The following TNP2 variants were observed in gnomAD, a reference collection of about 807,000 sequenced individuals.
TNP2 encodes the protein nuclear transition protein 2.
In TNP2, 10 loss-of-function variants were observed where a neutral mutation model predicts 8.5. The observed-to-expected ratio is 1.17, with a 90% CI of 0.72 to 1.99. The LOEUF (loss-of-function observed/expected upper bound fraction) is 1.99, where lower values mean the gene tolerates loss of function less well. Ranked by LOEUF, TNP2 falls within the 30% of genes most tolerant of loss-of-function variation. The pLI is 0.00. For synonymous variants in TNP2, 80 were observed against 62.3 expected (o/e 1.28, Z -1.34); for missense variants, 222 against 181.2 (o/e 1.23, Z -1.29).
chr16:11,268,622 C>A, intron 1 of TNP2: 1 of 477,256 alleles, frequency 2.1e-6, no homozygotes, highest in Non-Finnish European at 3.6e-6. Context: ...ATGCTTTCAT[C>A]TAGCTTATCT....
Position 11,268,962 on chromosome 16 carries a change from GGCAGTGCAGGATGGTGGGCC to G in TNP2, c.281_300del (p.Arg94ProfsTer60). 6.2e-7 allele frequency: 1 copy of G among 1,613,756 alleles called. No homozygotes were observed. The highest frequency in any genetic ancestry group is 8.5e-7 in the Non-Finnish European group (1 of 1,179,846). ...AAGTTCTTTCTGTTCTTGGGGCAGC[GGCAGTGCAGGATGGTGGGCC>G]GCATGGGAGAGTGGTGGGAGTTCAT... On this transcript the variant is annotated frameshift_variant, in exon 1 of 2. Coordinates refer to ENST00000312693, the MANE Select transcript of TNP2 (RefSeq NM_005425.5). LOFTEE classifies it high-confidence loss of function.
In TNP2 at chr16:11,267,868, G is replaced by T; in HGVS notation, c.*128C>A. 2 of 1,043,318 alleles carry T rather than the reference G, an allele frequency of 1.9e-6. No homozygotes were observed. The highest frequency in any genetic ancestry group is 2.8e-6 in the Non-Finnish European group (2 of 708,348). 64.6% of individuals were successfully genotyped at this position (1,043,318 alleles called of 1,614,324 possible). A position where few individuals can be genotyped will look rare whatever the true frequency, so the allele number is the denominator to read the frequency against. On this transcript the variant is annotated 3_prime_UTR_variant, in exon 2 of 2. Coordinates refer to ENST00000312693, the MANE Select transcript of TNP2 (RefSeq NM_005425.5). The stretch of plus-strand genomic sequence containing the variant: ...TGACTACTCAGGGATAGTCTTCCAG[G>T]TACAAGCTTTAATTAGTGTTGCGTA...
chr16:11,267,942 G>A lies in TNP2; in HGVS notation c.*54C>T, dbSNP rs1597698974. 1.9e-6 allele frequency: 3 copies of A among 1,587,184 alleles called. No homozygotes were observed. Among genetic ancestry groups the A allele is most frequent in the Middle Eastern group, 1.7e-4 (1 of 5,928 alleles). ...CTGCAAGAAGATTGACTTCATCCTA[G>A]CATTTTCTCCTTTGGGTGAAACACG... On this transcript the variant is annotated 3_prime_UTR_variant, in exon 2 of 2. Coordinates refer to ENST00000312693, the MANE Select transcript of TNP2 (RefSeq NM_005425.5).
chr16:11,268,819 C>T (rs867109605), intron 1 of TNP2, 44 bp downstream of exon 1: 5 of 1,512,126 alleles, frequency 3.3e-6, no homozygotes, highest in Non-Finnish European at 4.4e-6. Context: ...TGCTCTCCAT[C>T]ATCTGTGGGC....
rs1161611686 is a variant in TNP2 at position 11,268,879 on chromosome 16, G to A, written c.384C>T (p.Thr128=). 2 of 1,589,090 alleles carry A rather than the reference G, an allele frequency of 1.3e-6. No individual in the cohort carries two copies. Among genetic ancestry groups the A allele is most frequent in the Non-Finnish European group, 1.7e-6 (2 of 1,168,970 alleles). The part of the protein sequence containing the change: ...MAKRIQQVYK[T]KTRSSGWKSN ...AAAGGGTACCTGAGCTCCGCGTCTT[G>A]GTTTTGTACACCTGCTGGATCCTCT... The change falls in exon 1 of 2, where the codon ACC becomes ACT. Residue 128 remains threonine, a synonymous_variant. Coordinates refer to ENST00000312693, the MANE Select transcript of TNP2 (RefSeq NM_005425.5).
intron 1 of TNP2, chr16:11,268,284 G>T (rs1597699225): frequency 2.4e-6 from 1 of 421,578 alleles, no homozygotes; most frequent in Non-Finnish European, 4.3e-6. Flanking sequence ...CATTAGTCTA[G>T]ATATCTATTC....
chr16:11,268,087 G>T, intron 1 of TNP2, 75 bp from the exon 2 acceptor site: 1 of 1,417,864 alleles, frequency 7.1e-7, no homozygotes, highest in Non-Finnish European at 9.9e-7. Flanking sequence ...TTGACCTCCT[G>T]TAAGGTCTTA....
chr16:11,267,989 G>A lies in TNP2; in HGVS notation c.*7C>T, dbSNP rs767530021. 1.4e-5 allele frequency: 23 copies of A among 1,611,772 alleles called. No individual in the cohort carries two copies. The highest frequency in any genetic ancestry group is 1.6e-4 in the Middle Eastern group (1 of 6,074). On this transcript the variant is annotated 3_prime_UTR_variant, in exon 2 of 2. Transcript: ENST00000312693. ...CACGCAGGAACAAGCCAAGGAGTGCGGTCTCATTAGTTGGATTTCCATCCT... is the reference window on the plus strand; with the variant it reads ...CACGCAGGAACAAGCCAAGGAGTGCAGTCTCATTAGTTGGATTTCCATCCT...
intron 1 of TNP2, chr16:11,268,623 T>C: frequency 4.2e-6 from 2 of 477,844 alleles, no homozygotes; most frequent in Non-Finnish European, 7.3e-6. Context: ...TGCTTTCATC[T>C]AGCTTATCTG....
rs747360670 is a variant in TNP2, at chr16:11,267,974, C to G, written c.*22G>C. On this transcript the variant is annotated 3_prime_UTR_variant, in exon 2 of 2. Coordinates refer to ENST00000312693, the MANE Select transcript of TNP2 (RefSeq NM_005425.5). ...CTCCTTTGGGTGAAACACGCAGGAA[C>G]AAGCCAAGGAGTGCGGTCTCATTAG... 3 of 1,610,920 alleles carry G rather than the reference C, an allele frequency of 1.9e-6. No homozygotes were observed. The highest frequency in any genetic ancestry group is 2.5e-6 in the Non-Finnish European group (3 of 1,178,700).
chr16:11,268,225 A>G, intron 1 of TNP2: 1 of 521,922 alleles, frequency 1.9e-6, no homozygotes, highest in East Asian at 3.2e-5. Flanking sequence ...CCCATTCATT[A>G]GTTCACTCAT....
Position 11,268,028 on chromosome 16 carries a change from G to A in TNP2, c.401-16C>T. The A allele has an allele frequency of 6.2e-7, 1 of 1,612,084 alleles. No homozygotes were observed. Among genetic ancestry groups the A allele is most frequent in the Non-Finnish European group, 8.5e-7 (1 of 1,179,094 alleles). On this transcript the variant is annotated splice_polypyrimidine_tract_variant and intron_variant, in intron 1 of 1. Coordinates refer to ENST00000312693, the MANE Select transcript of TNP2 (RefSeq NM_005425.5). ...GATTTCCATCCTAAGGGATAAGAGT[G>A]GGAAAGGAACCTTTAATAGCTGAGC... is the stretch of plus-strand genomic sequence containing the variant.
chr16:11,269,021 C>T lies in TNP2; in HGVS notation c.242G>A (p.Arg81His), dbSNP rs771757595. ...GTGGGAGTTCATAGTCTTTTTGTGG[C>T]GCTTTGGTGGTGGACTAGTGTTGGG... ...QSPNTSPPPK[R>H]HKKTMNSHHS... Residue 81 changes from arginine (R) to histidine (H), a missense_variant, in exon 1 of 2, where the codon CGC becomes CAC. Coordinates refer to ENST00000312693, the MANE Select transcript of TNP2 (RefSeq NM_005425.5). 1.9e-5 allele frequency: 30 copies of T among 1,613,758 alleles called. No individual in the cohort carries two copies. Among genetic ancestry groups the T allele is most frequent in the Admixed American group, 3.3e-5 (2 of 59,990 alleles).
At position 11,268,953 on chromosome 16, in the gene TNP2, T is replaced by C; in HGVS notation, c.310A>G (p.Lys104Glu). ...TTGCCTTCCAAGTTCTTTCTGTTCT[T>C]GGGGCAGCGGCAGTGCAGGATGGTG... ...RPTILHCRCP[K>E]NRKNLEGKLK... Residue 104 changes from lysine to glutamate, a missense_variant, in exon 1 of 2, where the codon AAG becomes GAG. Transcript: ENST00000312693. 1 of 1,613,656 alleles carries C rather than the reference T, an allele frequency of 6.2e-7. No homozygotes were observed. Among genetic ancestry groups the C allele is most frequent in the Non-Finnish European group, 8.5e-7 (1 of 1,179,820 alleles).
chr16:11,268,848 C>G lies in TNP2; in HGVS notation c.400+15G>C, dbSNP rs117458238. 2.6e-6 allele frequency: 4 copies of G among 1,532,402 alleles called. No homozygotes were observed. Among genetic ancestry groups the G allele is most frequent in the Non-Finnish European group, 3.5e-6 (4 of 1,142,788 alleles). 94.9% of individuals were successfully genotyped at this position (1,532,402 alleles called of 1,614,324 possible). On this transcript the variant is annotated intron_variant, in intron 1 of 1. Transcript: ENST00000312693. ...TGTGGGCTCGGTGGCCCTTCCCCAC[C>G]TCCTTAAAGGGTACCTGAGCTCCGC...
Position 11,268,982 on chromosome 16 carries a change from C to G in TNP2, c.281G>C (p.Arg94Pro). ...KTMNSHHSPM[R>P]PTILHCRCPK... ...GCAGCGGCAGTGCAGGATGGTGGGC[C>G]GCATGGGAGAGTGGTGGGAGTTCAT... Residue 94 changes from arginine to proline, a missense_variant, in exon 1 of 2, where the codon CGG (arginine) becomes CCG (proline). By Grantham distance (103) the Arg-to-Pro change is moderately radical (BLOSUM62 -2). Coordinates refer to ENST00000312693, the MANE Select transcript of TNP2 (RefSeq NM_005425.5). 1.9e-6 allele frequency: 3 copies of G among 1,613,852 alleles called. No individual in the cohort carries two copies. Among genetic ancestry groups the G allele is most frequent in the Non-Finnish European group, 2.5e-6 (3 of 1,179,870 alleles).
chr16:11,268,294 C>CAGA (rs2069735580), intron 1 of TNP2: 1 of 401,226 alleles, frequency 2.5e-6, no homozygotes, highest in African/African-American at 2.0e-5. Flanking sequence ...GATATCTATT[C>CAGA]TTCTCTCTGT....
At chr16:11,268,092 G>A in intron 1 of TNP2, 80 bp from the exon 2 acceptor site, 1 of 1,335,750 alleles carries the variant, frequency 7.5e-7, no homozygotes. Context: ...CTCCTGTAAG[G>A]TCTTACAACT....
rs1467891569 is a variant in TNP2 at position 11,268,997 on chromosome 16, T to C, written c.266A>G (p.His89Arg). Reference protein sequence around the residue: ...PKRHKKTMNSHHSPMRPTILH... With the variant: ...PKRHKKTMNSRHSPMRPTILH... ...GATGGTGGGCCGCATGGGAGAGTGG[T>C]GGGAGTTCATAGTCTTTTTGTGGCG... The change falls in exon 1 of 2, where the codon CAC becomes CGC. Residue 89 changes from histidine to arginine, a missense_variant. By Grantham distance (29) the His-to-Arg change is conservative. Transcript: ENST00000312693. The C allele has an allele frequency of 1.6e-5, 26 of 1,613,798 alleles. No homozygotes were observed. The highest frequency in any genetic ancestry group is 2.2e-5 in the Non-Finnish European group (26 of 1,179,840).
Sources: allele counts gnomAD v4.1 joint callset, GRCh38; gene constraint gnomAD v4.1.1; transcripts MANE v1.5; gene names NCBI Gene and HGNC (gene_info 2026-07-23, HGNC 2026-07-21).